Variants in TMEM242 observed in about 807,000 individuals in gnomAD.
The protein encoded by TMEM242 is UPF0463 transmembrane protein C6orf35.
Under a neutral mutation model 18.2 loss-of-function variants are expected in TMEM242, and 10 were observed. That is an observed-to-expected ratio of 0.55 (90% CI 0.34 to 0.93). The LOEUF is 0.93. TMEM242 is among the 40% of genes least tolerant of loss of function. The pLI, the probability that TMEM242 is intolerant of heterozygous loss-of-function variation, is 0.02. For synonymous variants in TMEM242, 57 were observed against 69.9 expected, an observed-to-expected ratio of 0.81 and a Z score of 0.92; for missense variants, 186 against 175.5, an observed-to-expected ratio of 1.06 and a Z score of -0.34.
intron 3 of TMEM242, among the ~76,000 whole-genome samples, chr6:157,313,483 G>C (rs1259492120): frequency 0.012 from 1,245 of 102,630 alleles, no homozygotes; most frequent in East Asian, 0.027. Context: ...GTGCCCCAGT[G>C]TGCACTCACC....
At chr6:157,300,296 T>G (rs1554247427) in intron 3 of TMEM242, among the ~76,000 whole-genome samples, 1 of 152,260 alleles carries the variant, frequency 6.6e-6, no homozygotes, top group African/African-American at 2.4e-5. Flanking sequence ...GCCTTCAACA[T>G]GTACTTTCCG....
chr6:157,316,634 G>A (rs782048037), intron 3 of TMEM242, among the ~76,000 whole-genome samples: 42 of 152,082 alleles, frequency 2.8e-4, no homozygotes, highest in Non-Finnish European at 5.0e-4. Context: ...CCAGCACTTC[G>A]GGAGGCTGAG....
intron 3 of TMEM242, chr6:157,299,920 C>A: frequency 6.2e-7 from 1 of 1,611,328 alleles, no homozygotes; most frequent in African/African-American, 1.3e-5. Context: ...CCATGCCCAC[C>A]GATCCAGTTC....
intron 3 of TMEM242, among the ~76,000 whole-genome samples, chr6:157,312,225 C>T (rs1275474828): frequency 0.013 from 20 of 1,518 alleles, no homozygotes; most frequent in Middle Eastern, 0.25. Flanking sequence ...CATCATAGTG[C>T]CCCAGTGTAC....
intron 3 of TMEM242, chr6:157,300,146 G>T: frequency 1.7e-6 from 1 of 583,062 alleles, no homozygotes. Flanking sequence ...CTCAAGAAAT[G>T]GAGGGAGAGA....
intron 3 of TMEM242, among the ~76,000 whole-genome samples, chr6:157,310,612 GCCCT>G (rs1778002918): frequency 3.9e-5 from 2 of 51,066 alleles, no homozygotes; most frequent in South Asian, 6.3e-4. Flanking sequence ...GCCCCAGTGT[GCCCT>G]CACCTAGCCT....
chr6:157,293,295 T>C (rs1019904877), intron 3 of TMEM242, among the ~76,000 whole-genome samples: 2 of 152,146 alleles, frequency 1.3e-5, no homozygotes, highest in Non-Finnish European at 2.9e-5. Context: ...GGTGGGTAGA[T>C]TGCTTGAGCC....
rs1286353710 is a variant in TMEM242 at position 157,290,882 on chromosome 6, T to A, written c.*2019A>T. On this transcript the variant is annotated 3_prime_UTR_variant, in exon 4 of 4. Transcript: ENST00000400788. ...TGCCATCGGTCAAGGACAGCAGAGG[T>A]GACATATAAGGGTTTTGTAGACACG... 1.3e-5 allele frequency: 2 copies of A among 152,090 alleles called. No individual in the cohort carries two copies. Among genetic ancestry groups the A allele is most frequent in the Non-Finnish European group, 2.9e-5 (2 of 68,034 alleles). The allele number at this position is 152,090 out of a possible 1,614,324, so 9.4% of individuals were successfully genotyped here.
At chr6:157,322,917 A>C in intron 1 of TMEM242, 112 bp from the exon 2 acceptor site, 2 of 913,058 alleles carry the variant, frequency 2.2e-6, no homozygotes, top group Non-Finnish European at 3.3e-6. Context: ...AATCAAAATC[A>C]CTTTTGAAAT....
At chr6:157,293,545 A>G (rs1448122745) in intron 3 of TMEM242, among the ~76,000 whole-genome samples, 2 of 152,248 alleles carry the variant, frequency 1.3e-5, no homozygotes, top group Non-Finnish European at 2.9e-5. Context: ...AGGTCATTCA[A>G]AGCTAGAATT....
At chr6:157,323,154 T>C (rs1044917799) in intron 1 of TMEM242, among the ~76,000 whole-genome samples, 5 of 152,226 alleles carry the variant, frequency 3.3e-5, no homozygotes, top group East Asian at 1.9e-4. Context: ...TCTAGAACAA[T>C]TGCAGAGGTG....
At chr6:157,310,341 T>A (rs1264589101) in intron 3 of TMEM242, among the ~76,000 whole-genome samples, 2 of 3,622 alleles carry the variant, frequency 5.5e-4, no homozygotes, top group Non-Finnish European at 1.3e-3. Flanking sequence ...CTATCTGTCT[T>A]GATAAAACAA....
At chr6:157,311,648 C>T (rs1554248906) in intron 3 of TMEM242, among the ~76,000 whole-genome samples, 5 of 121,810 alleles carry the variant, frequency 4.1e-5, no homozygotes, top group African/African-American at 6.3e-5. Context: ...ATCATAGTGT[C>T]CCAGTGTGCA....
chr6:157,310,398 GT>G (rs1777986745), intron 3 of TMEM242, among the ~76,000 whole-genome samples: 1 of 149,098 alleles, frequency 6.7e-6, no homozygotes, highest in Admixed American at 6.7e-5. Context: ...TCATCATAGT[GT>G]CCCAGTGGGC....
chr6:157,322,718 T>C lies in TMEM242; in HGVS notation c.176A>G (p.Glu59Gly), dbSNP rs782550473. The C allele has an allele frequency of 1.2e-6, 2 of 1,613,774 alleles. No homozygotes were observed. Among genetic ancestry groups the C allele is most frequent in the East Asian group, 4.5e-5 (2 of 44,882 alleles). ...AGTGTCACCAACCTTATTGAACCAT[T>C]CAGGGCTTTTCTTTTTAGCCAATGA... is the stretch of plus-strand genomic sequence containing the variant. ...TLSLAKKKSPEWFNKGSMATA... is the reference protein window; with the variant it reads ...TLSLAKKKSPGWFNKGSMATA... Residue 59 changes from glutamate to glycine, a missense_variant, in exon 2 of 4, where the codon GAA becomes GGA. Coordinates refer to ENST00000400788, the MANE Select transcript of TMEM242 (RefSeq NM_018452.6).
Position 157,323,496 on chromosome 6 carries a change from C to T in TMEM242, c.4G>A (p.Glu2Lys), listed in dbSNP as rs1397723981. ...TGCCCAGTTGCAGCGCCCGCTGTCTCCATGTTTAGGTCGCCTCTAGTGCGT... is the reference window on the plus strand; with the variant it reads ...TGCCCAGTTGCAGCGCCCGCTGTCTTCATGTTTAGGTCGCCTCTAGTGCGT... M[E>K]TAGAATGQPA... The change falls in exon 1 of 4, where the codon GAG becomes AAG. Residue 2 changes from glutamate to lysine, a missense_variant. Physicochemically the swap from Glu to Lys is moderately conservative, Grantham distance 56. Transcript: ENST00000400788. 2.5e-6 allele frequency: 4 copies of T among 1,613,644 alleles called. No individual in the cohort carries two copies. In the African/African-American group the frequency reaches 4.0e-5, roughly 16 times the overall value.
rs66938746 is a variant in TMEM242 at position 157,304,491 on chromosome 6, AG to A, written c.328-11493del. On this transcript the variant is annotated intron_variant, in intron 3 of 3. Coordinates refer to ENST00000400788, the MANE Select transcript of TMEM242 (RefSeq NM_018452.6). ...AAAAAAAAAAAAAAAAAAAAAAAAAAGAGAGAGAGAGAGAGTGCCACTGAAA... is the reference window on the plus strand; with the variant it reads ...AAAAAAAAAAAAAAAAAAAAAAAAAAAGAGAGAGAGAGAGTGCCACTGAAA... Among the ~76,000 whole-genome samples the A allele has an allele frequency of 3.0e-3, 107 of 35,688 alleles. 2 individuals are homozygous for A. The highest frequency in any genetic ancestry group is 0.016 in the South Asian group (8 of 496). 23.4% of individuals were successfully genotyped at this position (35,688 alleles called of 152,430 possible).
intron 3 of TMEM242, among the ~76,000 whole-genome samples, chr6:157,310,209 G>C (rs1477030305): frequency 6.6e-6 from 1 of 152,164 alleles, no homozygotes; most frequent in Non-Finnish European, 1.5e-5. Flanking sequence ...CACTGCTCTT[G>C]AGTCACATGT....
intron 3 of TMEM242, among the ~76,000 whole-genome samples, chr6:157,300,297 G>A (rs1431941267): frequency 6.6e-6 from 1 of 152,254 alleles, no homozygotes; most frequent in Admixed American, 6.5e-5. Context: ...CCTTCAACAT[G>A]TACTTTCCGT....
Sources: allele counts gnomAD v4.1 joint callset (sites outside exome capture counted in the v4.1 genomes callset), GRCh38; gene constraint gnomAD v4.1.1; transcripts MANE v1.5; gene names NCBI Gene and HGNC (gene_info 2026-07-23, HGNC 2026-07-21).